The following TMEM131L variants were observed in gnomAD, a reference collection of about 807,000 sequenced individuals.
TMEM131L encodes the protein transmembrane 131 like.
Under a neutral mutation model 192.2 loss-of-function variants are expected in TMEM131L, and 54 were observed. The ratio of observed to expected loss-of-function variants is 0.28; its 90% CI spans 0.23 to 0.35. TMEM131L has a LOEUF of 0.35. Among genes scored for constraint, TMEM131L ranks in the 10% least tolerant of loss-of-function variants. The pLI is 1.00. For missense variants in TMEM131L, 1,888 were observed against 1,972.9 expected (o/e 0.96, Z 0.82); for synonymous variants, 701 against 704.9 (o/e 0.99, Z 0.09).
intron 25 of TMEM131L, among the ~76,000 whole-genome samples, chr4:153,610,564 T>G (rs1403714075): frequency 6.6e-6 from 1 of 152,234 alleles, no homozygotes; most frequent in Non-Finnish European, 1.5e-5. Context: ...TTACAAGGTG[T>G]GTGCCATTTG....
chr4:153,551,706 A>G (rs982238991), intron 4 of TMEM131L, among the ~76,000 whole-genome samples: 3 of 152,188 alleles, frequency 2.0e-5, no homozygotes, highest in Non-Finnish European at 4.4e-5. Context: ...AAAAGATTCT[A>G]TAAAGGGAAG....
At chr4:153,534,264 A>G (rs1736140705) in intron 3 of TMEM131L, among the ~76,000 whole-genome samples, 2 of 152,174 alleles carry the variant, frequency 1.3e-5, no homozygotes, top group Admixed American at 1.3e-4. Flanking sequence ...CTGCGAAACT[A>G]AATTTTATGG....
chr4:153,467,465 C>T (rs1274880159), intron 2 of TMEM131L, among the ~76,000 whole-genome samples, 184 bp downstream of exon 2: 3 of 152,248 alleles, frequency 2.0e-5, no homozygotes, highest in African/African-American at 7.2e-5. Flanking sequence ...CCTCCCACGC[C>T]ATGTGACAGG....
intron 3 of TMEM131L, among the ~76,000 whole-genome samples, chr4:153,474,990 A>AC (rs149539128): frequency 0.052 from 7,845 of 152,056 alleles, 493 homozygotes; most frequent in African/African-American, 0.15. Context: ...ACGCTTCCAG[A>AC]CCCCCAGGGT....
At chr4:153,516,161 C>G (rs183873434) in intron 3 of TMEM131L, among the ~76,000 whole-genome samples, 12 of 152,238 alleles carry the variant, frequency 7.9e-5, no homozygotes, top group African/African-American at 2.6e-4. Context: ...GCTTTTTAAA[C>G]TTAATAATCT....
intron 3 of TMEM131L, among the ~76,000 whole-genome samples, chr4:153,494,962 G>T (rs1354268836): frequency 6.6e-6 from 1 of 152,196 alleles, no homozygotes; most frequent in Non-Finnish European, 1.5e-5. Context: ...GGGAGGGGCA[G>T]TAGCTATTCA....
chr4:153,512,713 A>C (rs1975233), intron 3 of TMEM131L, among the ~76,000 whole-genome samples: 51,503 of 151,922 alleles, frequency 0.34, 10,493 homozygotes, highest in Non-Finnish European at 0.44. Flanking sequence ...TCCTGGATTC[A>C]AGTGATTCTC....
chr4:153,632,932 G>T, intron 32 of TMEM131L, 94 bp downstream of exon 32: 1 of 1,462,756 alleles, frequency 6.8e-7, no homozygotes, highest in Non-Finnish European at 9.4e-7. Flanking sequence ...TTACAAAAAT[G>T]AAGGCTAGGC....
chr4:153,554,583 C>T (rs566965643), intron 4 of TMEM131L, among the ~76,000 whole-genome samples: 53 of 152,268 alleles, frequency 3.5e-4, no homozygotes, highest in Non-Finnish European at 6.2e-4. Flanking sequence ...CCTAATTTTA[C>T]GGAATTCATT....
At chr4:153,522,168 G>A (rs1397953810) in intron 3 of TMEM131L, among the ~76,000 whole-genome samples, 1 of 152,142 alleles carries the variant, frequency 6.6e-6, no homozygotes, top group East Asian at 1.9e-4. Flanking sequence ...TGGTGAAGGA[G>A]CCGGAGGAGA....
intron 3 of TMEM131L, among the ~76,000 whole-genome samples, chr4:153,497,466 A>G (rs1733259358): frequency 6.6e-6 from 1 of 152,122 alleles, no homozygotes; most frequent in Admixed American, 6.5e-5. Flanking sequence ...CTGGCCTCTG[A>G]GATAAGCCTC....
chr4:153,590,026 C>G lies in TMEM131L; in HGVS notation c.1670+1019C>G, dbSNP rs1008117839. 2.0e-5 allele frequency among the ~76,000 whole-genome samples: 3 copies of G among 152,174 alleles called. No homozygotes were observed. The East Asian group carries it at 5.8e-4, about 29-fold the overall frequency. On this transcript the variant is annotated intron_variant, in intron 16 of 34. Transcript: ENST00000409959. ...TTGCATACCCAACAAACTTGACATT[C>G]ATGTAATTATATTGTTTAATATACA... is the stretch of plus-strand genomic sequence containing the variant.
intron 11 of TMEM131L, among the ~76,000 whole-genome samples, chr4:153,584,006 A>AG (rs1348003611): frequency 6.6e-6 from 1 of 152,222 alleles, no homozygotes; most frequent in East Asian, 1.9e-4. Context: ...AAAATTTAAA[A>AG]TGCACATATT....
In TMEM131L at chr4:153,576,472, C is replaced by T. The variant is rs577420685; in HGVS notation, c.661-4354C>T. Among the ~76,000 whole-genome samples, 10 of 152,258 alleles carry T rather than the reference C, an allele frequency of 6.6e-5. No homozygotes were observed. The South Asian group carries it at 1.2e-3, about 19-fold the overall frequency. The stretch of plus-strand genomic sequence containing the variant: ...TAAAATGGCAAGTTATAAATATATC[C>T]GTCCAGAGATTTACTAAGAATGACA... On this transcript the variant is annotated intron_variant, in intron 7 of 34. Transcript: ENST00000409959.
intron 3 of TMEM131L, among the ~76,000 whole-genome samples, chr4:153,514,931 C>G (rs1050731202): frequency 1.3e-5 from 2 of 152,024 alleles, no homozygotes; most frequent in African/African-American, 2.4e-5. Context: ...TCTGCCTCGG[C>G]CTCCCGGATA....
intron 8 of TMEM131L, 27 bp from the exon 9 acceptor site, chr4:153,581,380 C>CT: frequency 1.4e-6 from 2 of 1,471,960 alleles, no homozygotes; most frequent in Non-Finnish European, 1.8e-6. Context: ...TTTTTTTTTC[C>CT]TTTTTTCCTC....
chr4:153,593,534 T>G (rs551051706), intron 18 of TMEM131L, among the ~76,000 whole-genome samples: 38 of 152,296 alleles, frequency 2.5e-4, no homozygotes, highest in South Asian at 2.3e-3. Flanking sequence ...TATGCTTCCT[T>G]ACATCCTGTG....
chr4:153,563,403 T>G (rs1290515827), intron 7 of TMEM131L, among the ~76,000 whole-genome samples: 2 of 151,146 alleles, frequency 1.3e-5, no homozygotes, highest in Non-Finnish European at 2.9e-5. Context: ...TGCTGCAAAC[T>G]TAGCAAAATT....
At chr4:153,603,628 G>A (rs1732002373) in intron 24 of TMEM131L, 174 bp from the exon 25 acceptor site, 1 of 975,774 alleles carries the variant, frequency 1.0e-6, no homozygotes. Context: ...CTCCATGCAA[G>A]GACTTAGTTG....
Sources: gnomAD v4.1 joint callset for allele counts (sites outside exome capture counted in the v4.1 genomes callset) on GRCh38, gnomAD v4.1.1 for gene constraint, MANE v1.5 for transcripts, NCBI Gene and HGNC (gene_info 2026-07-23, HGNC 2026-07-21) for gene names.